ARHGAP42: variants seen among roughly 807,000 people sequenced by gnomAD.
ARHGAP42 encodes the protein Rho GTPase activating protein 42.
ARHGAP42 carries 63 observed loss-of-function variants against 125.0 expected under a neutral mutation model. The observed-to-expected ratio is 0.50, with a 90% CI of 0.41 to 0.62. ARHGAP42 has a LOEUF of 0.62. ARHGAP42 is among the 20% of genes least tolerant of loss of function. The pLI is 0.00. For synonymous variants in ARHGAP42, 339 were observed against 351.0 expected (o/e 0.97, Z 0.38); for missense variants, 766 against 1,024.2 (o/e 0.75, Z 3.44).
At chr11:100,722,674 C>T (rs904013374) in intron 1 of ARHGAP42, among the ~76,000 whole-genome samples, 1 of 152,124 alleles carries the variant, frequency 6.6e-6, no homozygotes, top group African/African-American at 2.4e-5. Context: ...CAGGCGCAAG[C>T]CACCGCGCAA....
intron 4 of ARHGAP42, among the ~76,000 whole-genome samples, chr11:100,864,901 G>A (rs1045931105): frequency 6.6e-6 from 1 of 152,220 alleles, no homozygotes; most frequent in South Asian, 2.1e-4. Context: ...TACACAGTAG[G>A]CACTTAATGG....
chr11:100,912,293 T>A (rs1342073545), intron 4 of ARHGAP42, among the ~76,000 whole-genome samples: 2 of 152,288 alleles, frequency 1.3e-5, no homozygotes, highest in African/African-American at 4.8e-5. Flanking sequence ...CCACCACCCA[T>A]CCGTCTGTGC....
intron 1 of ARHGAP42, among the ~76,000 whole-genome samples, chr11:100,751,039 A>G (rs1191340807): frequency 2.6e-5 from 4 of 151,050 alleles, no homozygotes; most frequent in Non-Finnish European, 5.9e-5. Flanking sequence ...CCCAGTTTCA[A>G]GTGATTCTCC....
In ARHGAP42 at chr11:100,992,239, G is replaced by A; in HGVS notation, c.*3438G>A. 1.3e-6 allele frequency: 2 copies of A among 1,511,764 alleles called. No homozygotes were observed. Among genetic ancestry groups the A allele is most frequent in the South Asian group, 1.4e-5 (1 of 74,024 alleles). 93.6% of individuals were successfully genotyped at this position (1,511,764 alleles called of 1,614,324 possible). A position where few individuals can be genotyped will look rare whatever the true frequency, so the allele number is the denominator to read the frequency against. On this transcript the variant is annotated 3_prime_UTR_variant, in exon 24 of 24. Transcript: ENST00000298815. Reference sequence around the variant, plus strand: ...GACTTATACTTTGACTAAAGTCAGAGGCAGACCAATTTAGGGAACAGATTT... The same window carrying A: ...GACTTATACTTTGACTAAAGTCAGAAGCAGACCAATTTAGGGAACAGATTT...
At chr11:100,924,972 C>T (rs578086106) in intron 6 of ARHGAP42, among the ~76,000 whole-genome samples, 3 of 152,080 alleles carry the variant, frequency 2.0e-5, no homozygotes, top group East Asian at 1.9e-4. Flanking sequence ...GCTGAAATTA[C>T]AGGTGTGCAC....
intron 3 of ARHGAP42, among the ~76,000 whole-genome samples, chr11:100,841,450 C>A (rs975470131): frequency 8.5e-5 from 13 of 152,056 alleles, no homozygotes; most frequent in Admixed American, 3.3e-4. Flanking sequence ...AAGTATAACA[C>A]TTTTATGAAT....
chr11:100,791,543 C>G (rs1172218833), intron 2 of ARHGAP42, among the ~76,000 whole-genome samples: 1 of 151,758 alleles, frequency 6.6e-6, no homozygotes, highest in African/African-American at 2.4e-5. Flanking sequence ...ATTTAATGTC[C>G]TCAACTTTTT....
At chr11:100,942,663 A>G (rs970591683) in intron 9 of ARHGAP42, among the ~76,000 whole-genome samples, 1 of 152,180 alleles carries the variant, frequency 6.6e-6, no homozygotes, top group African/African-American at 2.4e-5. Flanking sequence ...AATTAGTGGC[A>G]TAGATCATGG....
chr11:100,849,918 G>A (rs537049327), intron 3 of ARHGAP42, among the ~76,000 whole-genome samples: 2 of 152,264 alleles, frequency 1.3e-5, no homozygotes, highest in East Asian at 1.9e-4. Context: ...TGATGCTTAC[G>A]TTTCTGAAGG....
chr11:100,906,830 A>T (rs1455661635), intron 4 of ARHGAP42, among the ~76,000 whole-genome samples: 1 of 152,212 alleles, frequency 6.6e-6, no homozygotes, highest in African/African-American at 2.4e-5. Flanking sequence ...GAGATCCATC[A>T]ACACTTATTA....
chr11:100,761,630 A>T (rs1239766617), intron 1 of ARHGAP42, among the ~76,000 whole-genome samples: 1 of 152,200 alleles, frequency 6.6e-6, no homozygotes, highest in Non-Finnish European at 1.5e-5. Context: ...TGCCAGACAC[A>T]TATCATTTAT....
At chr11:100,843,827 T>C (rs1166396439) in intron 3 of ARHGAP42, among the ~76,000 whole-genome samples, 3 of 152,104 alleles carry the variant, frequency 2.0e-5, no homozygotes, top group Non-Finnish European at 4.4e-5. Flanking sequence ...ACACGTCCCA[T>C]GCTCATGGAT....
At chr11:100,965,570 A>C (rs987412713) in intron 16 of ARHGAP42, 101 bp from the exon 17 acceptor site, 1 of 962,244 alleles carries the variant, frequency 1.0e-6, no homozygotes, top group East Asian at 2.6e-5. Context: ...CCTATGAGGC[A>C]TGAGGGGTAG....
At chr11:100,703,219 G>A (rs985600915) in intron 1 of ARHGAP42, among the ~76,000 whole-genome samples, 1 of 152,210 alleles carries the variant, frequency 6.6e-6, no homozygotes, top group Non-Finnish European at 1.5e-5. Flanking sequence ...TCAGGAGTTA[G>A]AGCTTTGTTC....
At chr11:100,964,449 A>G (rs530334412) in intron 16 of ARHGAP42, among the ~76,000 whole-genome samples, 29 of 152,230 alleles carry the variant, frequency 1.9e-4, no homozygotes, top group Admixed American at 1.7e-3. Flanking sequence ...CTCCATTCCA[A>G]TTGCTAGGTT....
chr11:100,919,838 C>T (rs139260679), intron 5 of ARHGAP42, among the ~76,000 whole-genome samples: 3 of 152,314 alleles, frequency 2.0e-5, no homozygotes, highest in Non-Finnish European at 4.4e-5. Context: ...CCTTTTCCTG[C>T]GTCTCTTTCC....
rs554270734 is a variant in ARHGAP42 at position 100,945,741 on chromosome 11, A to G, written c.1043+1873A>G. On this transcript the variant is annotated intron_variant, in intron 10 of 23. Coordinates refer to ENST00000298815, the MANE Select transcript of ARHGAP42 (RefSeq NM_152432.4). Reference sequence around the variant, plus strand: ...ATTCAGTAAACCTTACTGTAAACAGATGTGCTGTCATTCAGCCTTTATTGT... The same window carrying G: ...ATTCAGTAAACCTTACTGTAAACAGGTGTGCTGTCATTCAGCCTTTATTGT... 2.6e-5 allele frequency among the ~76,000 whole-genome samples: 4 copies of G among 152,198 alleles called. No homozygotes were observed. In the South Asian group the frequency reaches 8.3e-4, roughly 32 times the overall value.
chr11:100,831,402 T>C (rs1336075915), intron 3 of ARHGAP42, among the ~76,000 whole-genome samples: 1 of 152,210 alleles, frequency 6.6e-6, no homozygotes, highest in Non-Finnish European at 1.5e-5. Context: ...AACACGGAAC[T>C]GACTTAAAAG....
intron 12 of ARHGAP42, among the ~76,000 whole-genome samples, chr11:100,957,201 A>C (rs1224879519): frequency 6.6e-6 from 1 of 152,160 alleles, no homozygotes; most frequent in Non-Finnish European, 1.5e-5. Context: ...TAAGTGGAAG[A>C]GTAACTACTG....
Sources: allele counts gnomAD v4.1 joint callset (sites outside exome capture counted in the v4.1 genomes callset), GRCh38; gene constraint gnomAD v4.1.1; transcripts MANE v1.5; gene names NCBI Gene and HGNC (gene_info 2026-07-23, HGNC 2026-07-21).